SAMD5: variants seen among roughly 807,000 people sequenced by gnomAD.
SAMD5 encodes sterile alpha motif domain containing 5, also known as sterile alpha motif domain-containing protein 5.
A neutral mutation model predicts 11.3 loss-of-function variants in SAMD5; 13 were observed. The ratio of observed to expected loss-of-function variants is 1.15; its 90% CI spans 0.75 to 1.83. The LOEUF is 1.83. Among genes scored for constraint, SAMD5 ranks in the 40% most tolerant of loss-of-function variants. The pLI, the probability that SAMD5 is intolerant of heterozygous loss-of-function variation, is 0.00. For synonymous variants in SAMD5, 129 were observed against 111.3 expected, an observed-to-expected ratio of 1.16 and a Z score of -1.00; for missense variants, 255 against 239.1, an observed-to-expected ratio of 1.07 and a Z score of -0.44.
intron 1 of SAMD5, among the ~76,000 whole-genome samples, chr6:147,512,256 A>G (rs777155370): frequency 2.0e-5 from 3 of 152,176 alleles, no homozygotes; most frequent in Non-Finnish European, 4.4e-5. Flanking sequence ...GCACCCCGCC[A>G]GAATGTGTAG....
At chr6:147,622,805 A>G (rs9485208) in intron 1 of SAMD5, among the ~76,000 whole-genome samples, 69,456 of 152,056 alleles carry the variant, frequency 0.46, 16,556 homozygotes, top group South Asian at 0.59. Context: ...AGAAAAAGAG[A>G]TTTAATGAAC....
intron 1 of SAMD5, among the ~76,000 whole-genome samples, chr6:147,661,858 T>G (rs1790653070): frequency 6.6e-6 from 1 of 152,108 alleles, no homozygotes; most frequent in African/African-American, 2.4e-5. Flanking sequence ...CTCGAACTCT[T>G]GACCTCATGA....
chr6:147,671,202 G>A (rs1036061458), intron 1 of SAMD5, among the ~76,000 whole-genome samples: 12 of 152,098 alleles, frequency 7.9e-5, no homozygotes, highest in South Asian at 2.1e-4. Context: ...GTGGCACCCC[G>A]CAACAACTAC....
the SAMD5 span, among the ~76,000 whole-genome samples, chr6:147,851,597 T>A: frequency 4.6e-5 from 7 of 152,282 alleles, no homozygotes; most frequent in Middle Eastern, 3.4e-3. Context: ...TTAGCTCAAC[T>A]CGTACCACCT....
chr6:147,677,593 G>A (rs1415002637), intron 1 of SAMD5, among the ~76,000 whole-genome samples: 1 of 152,124 alleles, frequency 6.6e-6, no homozygotes, highest in Non-Finnish European at 1.5e-5. Flanking sequence ...AAAACCCCAA[G>A]AGGATGAAGC....
At chr6:147,767,778 G>T in the SAMD5 span, among the ~76,000 whole-genome samples, 1 of 152,168 alleles carries the variant, frequency 6.6e-6, no homozygotes, top group South Asian at 2.1e-4. Flanking sequence ...ATTTGTCATG[G>T]TGTGTGCTAA....
At chr6:147,848,364 G>A in the SAMD5 span, among the ~76,000 whole-genome samples, 2 of 152,120 alleles carry the variant, frequency 1.3e-5, no homozygotes, top group East Asian at 3.9e-4. Context: ...TAAATCTTGG[G>A]TCTCTCAATG....
chr6:147,810,065 A>G, the SAMD5 span, among the ~76,000 whole-genome samples: 2 of 152,346 alleles, frequency 1.3e-5, no homozygotes, highest in South Asian at 4.1e-4. Flanking sequence ...TGGTATCTGA[A>G]TATATCAATA....
At chr6:147,825,929 T>C in the SAMD5 span, among the ~76,000 whole-genome samples, 1 of 152,258 alleles carries the variant, frequency 6.6e-6, no homozygotes, top group Non-Finnish European at 1.5e-5. Flanking sequence ...TATTGGATTT[T>C]ATTAATCCCA....
the SAMD5 span, among the ~76,000 whole-genome samples, chr6:147,759,253 G>A: frequency 5.5e-4 from 84 of 152,152 alleles, no homozygotes; most frequent in Non-Finnish European, 1.0e-3. Flanking sequence ...TTGGAAGGCA[G>A]AAGAAATCAA....
At chr6:147,721,847 T>G (rs1791556555) in intron 1 of SAMD5, among the ~76,000 whole-genome samples, 1 of 152,220 alleles carries the variant, frequency 6.6e-6, no homozygotes, top group Non-Finnish European at 1.5e-5. Context: ...AAAGCTTTCA[T>G]AGTTTAATGT....
At chr6:147,687,426 G>T (rs568916138) in intron 1 of SAMD5, among the ~76,000 whole-genome samples, 47 of 151,596 alleles carry the variant, frequency 3.1e-4, no homozygotes, top group Middle Eastern at 3.4e-3. Context: ...ACAGACATGC[G>T]CCACCATACC....
intron 1 of SAMD5, among the ~76,000 whole-genome samples, chr6:147,631,780 C>G (rs968800123): frequency 6.6e-6 from 1 of 152,090 alleles, no homozygotes; most frequent in East Asian, 1.9e-4. Flanking sequence ...AATCCCCAAG[C>G]TTGATGTGTA....
the SAMD5 span, among the ~76,000 whole-genome samples, chr6:147,936,050 G>C: frequency 6.6e-6 from 1 of 152,148 alleles, no homozygotes; most frequent in African/African-American, 2.4e-5. Context: ...AGGAGAGTCA[G>C]CCCTACTGAT....
At chr6:147,772,511 A>C in the SAMD5 span, among the ~76,000 whole-genome samples, 8 of 152,218 alleles carry the variant, frequency 5.3e-5, no homozygotes, top group Non-Finnish European at 1.0e-4. Flanking sequence ...AGCTTAAGTC[A>C]GAGAGATCTA....
rs970846162 is a variant in SAMD5, at chr6:147,565,033, A to G, written c.*577A>G. 12 of 953,246 alleles carry G rather than the reference A, an allele frequency of 1.3e-5. No homozygotes were observed. Among genetic ancestry groups the G allele is most frequent in the Non-Finnish European group, 1.5e-5 (12 of 800,924 alleles). 59.0% of individuals were successfully genotyped at this position (953,246 alleles called of 1,614,324 possible). A position where few individuals can be genotyped will look rare whatever the true frequency, so the allele number is the denominator to read the frequency against. On this transcript the variant is annotated 3_prime_UTR_variant, in exon 2 of 2. Transcript: ENST00000367474. ...AGGTGCTTTTATATAGTTATTTTGT[A>G]TATTGGTACAATGTTAAAGGTGATG...
the SAMD5 span, among the ~76,000 whole-genome samples, chr6:147,753,208 A>G: frequency 6.6e-6 from 1 of 152,176 alleles, no homozygotes; most frequent in African/African-American, 2.4e-5. Context: ...ACATGCATTC[A>G]CTGGGAAGTG....
At chr6:147,906,618 CA>C in the SAMD5 span, among the ~76,000 whole-genome samples, 2 of 152,140 alleles carry the variant, frequency 1.3e-5, no homozygotes. Context: ...CTGGAAGAGG[CA>C]TGGGTAGGAT....
the SAMD5 span, among the ~76,000 whole-genome samples, chr6:147,806,320 A>ATG: frequency 1.4e-5 from 1 of 70,852 alleles, no homozygotes; most frequent in Non-Finnish European, 2.8e-5. Flanking sequence ...GCGCGCGCGC[A>ATG]CACACACACA....
Sources: allele counts gnomAD v4.1 joint callset (sites outside exome capture counted in the v4.1 genomes callset), GRCh38; gene constraint gnomAD v4.1.1; transcripts MANE v1.5; gene names NCBI Gene and HGNC (gene_info 2026-07-23, HGNC 2026-07-21).